SUGCT: variants seen among roughly 807,000 people sequenced by gnomAD.
The protein encoded by SUGCT is succinyl-CoA:glutarate CoA-transferase.
SUGCT carries 41 observed loss-of-function variants against 55.0 expected under a neutral mutation model. The observed-to-expected ratio is 0.74, with a 90% confidence interval of 0.58 to 0.97. SUGCT has a LOEUF of 0.97. SUGCT is among the 50% of genes least tolerant of loss of function. SUGCT has a pLI of 0.00. For missense variants in SUGCT, 568 were observed against 547.8 expected, an observed-to-expected ratio of 1.04 and a Z score of -0.37; for synonymous variants, 187 against 200.4, an observed-to-expected ratio of 0.93 and a Z score of 0.56.
chr7:40,591,373 C>T lies in SUGCT; in HGVS notation c.1089+94987C>T, dbSNP rs148399962. On this transcript the variant is annotated intron_variant, in intron 12 of 13. Coordinates refer to ENST00000335693, the MANE Select transcript of SUGCT (RefSeq NM_001193313.2). ...GAATTTCTGCAATCTTATGGTCAAA[C>T]GTGAATGGATGAGAAGTTGCTTCTT... is the stretch of plus-strand genomic sequence containing the variant. Among the ~76,000 whole-genome samples, 149 of 152,234 alleles carry T rather than the reference C, an allele frequency of 9.8e-4. 1 individual carries two copies. Among genetic ancestry groups the T allele is most frequent in the African/African-American group, 3.3e-3 (139 of 41,528 alleles).
intron 12 of SUGCT, among the ~76,000 whole-genome samples, chr7:40,587,835 A>G (rs1314421040): frequency 1.3e-5 from 2 of 152,126 alleles, no homozygotes; most frequent in Admixed American, 1.3e-4. Context: ...AGACAACAGT[A>G]AAATGGATAT....
At chr7:40,679,635 A>G (rs1268454435) in intron 12 of SUGCT, among the ~76,000 whole-genome samples, 2 of 152,222 alleles carry the variant, frequency 1.3e-5, no homozygotes, top group Non-Finnish European at 2.9e-5. Context: ...CTTTTCTGGC[A>G]TGGACAATAG....
intron 12 of SUGCT, among the ~76,000 whole-genome samples, chr7:40,623,110 C>A (rs1799353066): frequency 6.6e-6 from 1 of 152,166 alleles, no homozygotes; most frequent in South Asian, 2.1e-4. Context: ...ATCTCCCTGC[C>A]AGTAAAGACA....
At chr7:40,541,614 A>G (rs996401778) in intron 12 of SUGCT, among the ~76,000 whole-genome samples, 1 of 152,214 alleles carries the variant, frequency 6.6e-6, no homozygotes, top group African/African-American at 2.4e-5. Flanking sequence ...CTATCACAGA[A>G]TCCAGTAATA....
At chr7:40,441,731 A>G (rs1434979460) in intron 9 of SUGCT, among the ~76,000 whole-genome samples, 1 of 152,164 alleles carries the variant, frequency 6.6e-6, no homozygotes, top group Non-Finnish European at 1.5e-5. Context: ...GGGCCAGCAA[A>G]GTGTGGGAAG....
chr7:40,321,234 C>T (rs185175468), intron 9 of SUGCT, among the ~76,000 whole-genome samples: 25 of 151,318 alleles, frequency 1.7e-4, no homozygotes, highest in Non-Finnish European at 1.2e-4. Flanking sequence ...CGCCATCACG[C>T]CTGGCTAATT....
intron 7 of SUGCT, among the ~76,000 whole-genome samples, chr7:40,252,247 C>A (rs1204539497): frequency 6.6e-6 from 1 of 152,124 alleles, no homozygotes; most frequent in East Asian, 1.9e-4. Context: ...CCCACCTCAG[C>A]CCCCCAGGTA....
intron 13 of SUGCT, among the ~76,000 whole-genome samples, chr7:40,845,384 C>T (rs147616911): frequency 1.2e-3 from 187 of 152,312 alleles, no homozygotes; most frequent in African/African-American, 4.2e-3. Flanking sequence ...CATATACCCA[C>T]ACAGCCTCAG....
intron 12 of SUGCT, among the ~76,000 whole-genome samples, chr7:40,694,626 G>C (rs183191362): frequency 6.6e-6 from 1 of 152,142 alleles, no homozygotes; most frequent in Non-Finnish European, 1.5e-5. Flanking sequence ...CACGTTGTTA[G>C]TGAACAATTT....
chr7:40,923,815 A>G, the SUGCT span, among the ~76,000 whole-genome samples: 4 of 152,158 alleles, frequency 2.6e-5, no homozygotes, highest in Non-Finnish European at 4.4e-5. Context: ...CAGTTGAGTC[A>G]TCCTGGAGGC....
At chr7:40,782,015 T>C (rs1789775977) in intron 13 of SUGCT, among the ~76,000 whole-genome samples, 1 of 152,168 alleles carries the variant, frequency 6.6e-6, no homozygotes, top group South Asian at 2.1e-4. Context: ...ATAATAATTC[T>C]TCCTGGGTGA....
At chr7:40,793,268 C>G (rs1790400353) in intron 13 of SUGCT, 1 of 152,106 alleles carries the variant, frequency 6.6e-6, no homozygotes, top group African/African-American at 2.4e-5. Flanking sequence ...CAGCCAAGCT[C>G]ACTACTCCTG....
chr7:40,796,870 C>T (rs1452149823), intron 13 of SUGCT, among the ~76,000 whole-genome samples: 1 of 152,090 alleles, frequency 6.6e-6, no homozygotes, highest in East Asian at 1.9e-4. Flanking sequence ...GAGGCAGTGC[C>T]CAAAAGAGTG....
intron 13 of SUGCT, among the ~76,000 whole-genome samples, chr7:40,780,883 A>C (rs558928144): frequency 6.6e-6 from 1 of 151,856 alleles, no homozygotes; most frequent in South Asian, 2.1e-4. Context: ...CTTGAAGTTC[A>C]TTAAGGCATA....
At chr7:40,313,880 C>T (rs1795292281) in intron 8 of SUGCT, among the ~76,000 whole-genome samples, 1 of 152,088 alleles carries the variant, frequency 6.6e-6, no homozygotes, top group South Asian at 2.1e-4. Flanking sequence ...GCATGAGCCA[C>T]TGCTCCTGGC....
the SUGCT span, among the ~76,000 whole-genome samples, chr7:40,902,744 C>T: frequency 2.6e-5 from 4 of 152,088 alleles, no homozygotes; most frequent in Non-Finnish European, 5.9e-5. Flanking sequence ...ATTTGTATGT[C>T]TCTCTCTGTC....
At chr7:40,184,212 C>T (rs1170270707) in intron 3 of SUGCT, among the ~76,000 whole-genome samples, 1 of 152,158 alleles carries the variant, frequency 6.6e-6, no homozygotes, top group African/African-American at 2.4e-5. Flanking sequence ...CCCTTTCTCT[C>T]CAATAAGCAC....
the SUGCT span, among the ~76,000 whole-genome samples, chr7:40,958,141 G>T: frequency 6.6e-6 from 1 of 152,040 alleles, no homozygotes; most frequent in African/African-American, 2.4e-5. Context: ...TATGTGTCTT[G>T]GGGTTGCTCT....
intron 6 of SUGCT, among the ~76,000 whole-genome samples, chr7:40,227,312 A>G (rs548455389): frequency 9.6e-4 from 146 of 152,106 alleles, no homozygotes; most frequent in African/African-American, 3.5e-3. Flanking sequence ...GGCCTCCCAA[A>G]GTGCGGGGAT....
Sources: gnomAD v4.1 joint callset for allele counts (sites outside exome capture counted in the v4.1 genomes callset) on GRCh38, gnomAD v4.1.1 for gene constraint, MANE v1.5 for transcripts, NCBI Gene and HGNC (gene_info 2026-07-23, HGNC 2026-07-21) for gene names.